The following JMJD1C variants were observed in gnomAD, a reference collection of about 807,000 sequenced individuals.
The protein encoded by JMJD1C is jumonji domain-containing protein 1C.
JMJD1C carries 31 observed loss-of-function variants against 245.3 expected under a neutral mutation model. The observed-to-expected ratio is 0.13, with a 90% confidence interval of 0.09 to 0.17. JMJD1C has a LOEUF of 0.17. JMJD1C is among the 10% of genes least tolerant of loss of function. The pLI is 1.00. For synonymous variants in JMJD1C, 1,057 were observed against 1,017.4 expected (o/e 1.04, Z -0.74); for missense variants, 2,691 against 3,000.2 (o/e 0.90, Z 2.41).
intron 2 of JMJD1C, among the ~76,000 whole-genome samples, chr10:63,311,137 G>A (rs993448844): frequency 3.3e-5 from 5 of 151,486 alleles, no homozygotes; most frequent in Admixed American, 6.6e-5. Context: ...TTGGAAGGCC[G>A]AGGCAGGCAG....
intron 10 of JMJD1C, chr10:63,203,281 T>C: frequency 9.2e-6 from 9 of 978,986 alleles, no homozygotes; most frequent in Non-Finnish European, 1.1e-5. Context: ...TTACTGGCAA[T>C]ATATAAAACC....
At chr10:63,343,602 CAT>C (rs1392996122) in intron 2 of JMJD1C, among the ~76,000 whole-genome samples, 4 of 152,126 alleles carry the variant, frequency 2.6e-5, no homozygotes, top group African/African-American at 4.8e-5. Context: ...AAAGTACAGT[CAT>C]ATGCTGAATA....
chr10:63,511,386 T>C (rs1355277797), intron 1 of JMJD1C, among the ~76,000 whole-genome samples: 2 of 152,210 alleles, frequency 1.3e-5, no homozygotes, highest in South Asian at 2.1e-4. Flanking sequence ...TCCTCTTATA[T>C]GCAGATGTCT....
chr10:63,208,391 T>C lies in JMJD1C; in HGVS notation c.3278A>G (p.Tyr1093Cys), dbSNP rs1187328426. 6.2e-7 allele frequency: 1 copy of C among 1,614,048 alleles called. No homozygotes were observed. Among genetic ancestry groups the C allele is most frequent in the Non-Finnish European group, 8.5e-7 (1 of 1,179,938 alleles). Reference sequence around the variant, plus strand: ...CACACTATTAGACAATGTAGTGAAATAGTTACTTTGGGGTAAACTCTGAGG... The same window carrying C: ...CACACTATTAGACAATGTAGTGAAACAGTTACTTTGGGGTAAACTCTGAGG... ...SVPQSLPQSN[Y>C]FTTLSNSVVN... is the part of the protein sequence containing the mutation. The change falls in exon 10 of 26, where the codon TAT (tyrosine) becomes TGT (cysteine). Residue 1093 changes from tyrosine to cysteine, a missense_variant. By Grantham distance (194) the Tyr-to-Cys change is radical. Transcript: ENST00000399262.
At chr10:63,477,704 G>C (rs1953707577) in intron 1 of JMJD1C, among the ~76,000 whole-genome samples, 1 of 151,938 alleles carries the variant, frequency 6.6e-6, no homozygotes, top group African/African-American at 2.4e-5. Context: ...CACTGGGATA[G>C]GCAAAAATTT....
At chr10:63,413,852 C>G (rs1187548636) in intron 1 of JMJD1C, among the ~76,000 whole-genome samples, 1 of 151,764 alleles carries the variant, frequency 6.6e-6, no homozygotes, top group Non-Finnish European at 1.5e-5. Context: ...ACCAGATAAA[C>G]CAAAGATAAA....
intron 3 of JMJD1C, among the ~76,000 whole-genome samples, chr10:63,227,376 C>A (rs988615586): frequency 5.9e-5 from 9 of 151,998 alleles, no homozygotes; most frequent in Non-Finnish European, 2.9e-5. Context: ...TGACAAAAAA[C>A]CAACAAAGGG....
intron 10 of JMJD1C, among the ~76,000 whole-genome samples, chr10:63,201,343 GT>G (rs1408979480): frequency 4.0e-5 from 6 of 151,118 alleles, no homozygotes; most frequent in Admixed American, 2.6e-4. Context: ...TTTGAAGAAA[GT>G]AAAAGGAAAA....
chr10:63,486,377 T>C (rs140471015), intron 1 of JMJD1C, among the ~76,000 whole-genome samples: 2,606 of 152,188 alleles, frequency 0.017, 265 homozygotes, highest in Admixed American at 0.15. Flanking sequence ...AAGCACTTTG[T>C]GAAGCTGTAT....
At chr10:63,234,506 A>AAAAAC (rs1564654798) in intron 3 of JMJD1C, among the ~76,000 whole-genome samples, 1 of 148,718 alleles carries the variant, frequency 6.7e-6, no homozygotes, top group African/African-American at 2.5e-5. Flanking sequence ...AAAAAAAAAA[A>AAAAAC]AAAAAAAAAA....
At chr10:63,242,247 A>G (rs1037263089) in intron 3 of JMJD1C, among the ~76,000 whole-genome samples, 2 of 152,252 alleles carry the variant, frequency 1.3e-5, no homozygotes, top group African/African-American at 4.8e-5. Flanking sequence ...GTGGTTGAGA[A>G]GAATTTTCTA....
At chr10:63,511,875 T>C (rs949165271) in intron 1 of JMJD1C, among the ~76,000 whole-genome samples, 2 of 152,170 alleles carry the variant, frequency 1.3e-5, no homozygotes. Context: ...TGCCCATGTA[T>C]ACTGAGGAAT....
chr10:63,410,047 G>C (rs963978107), intron 1 of JMJD1C, among the ~76,000 whole-genome samples: 1 of 152,144 alleles, frequency 6.6e-6, no homozygotes, highest in Non-Finnish European at 1.5e-5. Flanking sequence ...ATATAAGGAA[G>C]TGTCTTCTCT....
intron 2 of JMJD1C, among the ~76,000 whole-genome samples, chr10:63,268,070 A>C (rs1473863690): frequency 1.3e-5 from 2 of 151,972 alleles, no homozygotes; most frequent in Admixed American, 1.3e-4. Flanking sequence ...TTATGTCTGC[A>C]GTCTTAGTTT....
chr10:63,185,467 A>G (rs1844022614), intron 20 of JMJD1C, 96 bp downstream of exon 20: 1 of 751,494 alleles, frequency 1.3e-6, no homozygotes, highest in Non-Finnish European at 2.4e-6. Context: ...AGAAAGAAAA[A>G]GCCTACAGGT....
intron 2 of JMJD1C, among the ~76,000 whole-genome samples, chr10:63,312,975 G>A (rs576473529): frequency 1.3e-5 from 2 of 152,112 alleles, no homozygotes; most frequent in South Asian, 2.1e-4. Flanking sequence ...AGGTTTTTGG[G>A]GAACAGGTAG....
chr10:63,221,999 G>A (rs1032518985), intron 3 of JMJD1C, among the ~76,000 whole-genome samples: 15 of 152,300 alleles, frequency 9.8e-5, no homozygotes, highest in Admixed American at 2.0e-4. Context: ...TGGTATTACA[G>A]GCGTGAGCCA....
intron 2 of JMJD1C, among the ~76,000 whole-genome samples, chr10:63,292,626 A>C (rs1186618344): frequency 1.3e-5 from 2 of 152,032 alleles, no homozygotes; most frequent in African/African-American, 4.8e-5. Context: ...AATAAAAATA[A>C]AACAGGACAA....
At chr10:63,219,300 A>G (rs1848339899) in intron 4 of JMJD1C, among the ~76,000 whole-genome samples, 1 of 152,180 alleles carries the variant, frequency 6.6e-6, no homozygotes, top group Admixed American at 6.5e-5. Context: ...AAAGACATTC[A>G]ACAACAGTTC....
Sources: allele counts gnomAD v4.1 joint callset (sites outside exome capture counted in the v4.1 genomes callset), GRCh38; gene constraint gnomAD v4.1.1; transcripts MANE v1.5; gene names NCBI Gene and HGNC (gene_info 2026-07-23, HGNC 2026-07-21).